The following GAB1 variants were observed in gnomAD, a reference collection of about 807,000 sequenced individuals.
GAB1 encodes GRB2-associated-binding protein 1.
A neutral mutation model predicts 66.5 loss-of-function variants in GAB1; 19 were observed. The ratio of observed to expected loss-of-function variants is 0.29; its 90% CI spans 0.20 to 0.42. The LOEUF is 0.42. Among genes scored for constraint, GAB1 ranks in the 10% least tolerant of loss-of-function variants. The pLI is 1.00. For synonymous variants in GAB1, 294 were observed against 301.4 expected (o/e 0.98, Z 0.25); for missense variants, 732 against 858.5 (o/e 0.85, Z 1.84).
chr4:143,403,634 G>T (rs1178992920), intron 1 of GAB1, among the ~76,000 whole-genome samples: 2 of 152,218 alleles, frequency 1.3e-5, no homozygotes, highest in Non-Finnish European at 2.9e-5. Context: ...GGGGAAAGAG[G>T]AAGATGTCAT....
intron 1 of GAB1, among the ~76,000 whole-genome samples, chr4:143,402,028 T>C (rs913010207): frequency 1.3e-4 from 20 of 151,718 alleles, no homozygotes; most frequent in African/African-American, 4.1e-4. Flanking sequence ...ATTTATGATA[T>C]ACAAGTATAA....
intron 1 of GAB1, among the ~76,000 whole-genome samples, chr4:143,414,920 G>T (rs900148169): frequency 6.6e-6 from 1 of 152,008 alleles, no homozygotes; most frequent in Non-Finnish European, 1.5e-5. Context: ...TCCAGAACTT[G>T]ATCTTCTTCA....
At chr4:143,443,423 C>G (rs932932310) in intron 6 of GAB1, among the ~76,000 whole-genome samples, 1 of 152,156 alleles carries the variant, frequency 6.6e-6, no homozygotes, top group Non-Finnish European at 1.5e-5. Flanking sequence ...GTTATGACTT[C>G]ATAAACTCAC....
chr4:143,460,025 G>A (rs958558403), intron 7 of GAB1, among the ~76,000 whole-genome samples: 2 of 84,580 alleles, frequency 2.4e-5, no homozygotes, highest in South Asian at 3.5e-4. Context: ...TTCATGTTTC[G>A]TGTGTGTGTG....
At chr4:143,450,655 C>T (rs538216250) in intron 6 of GAB1, among the ~76,000 whole-genome samples, 46 of 152,112 alleles carry the variant, frequency 3.0e-4, no homozygotes, top group Non-Finnish European at 5.1e-4. Flanking sequence ...CTGGGGAGAC[C>T]GAGGTGGGCA....
intron 1 of GAB1, among the ~76,000 whole-genome samples, chr4:143,388,524 C>T (rs563050162): frequency 6.6e-6 from 1 of 152,260 alleles, no homozygotes; most frequent in South Asian, 2.1e-4. Flanking sequence ...AAGGAATTCT[C>T]CTGCCTCAGC....
In GAB1 at chr4:143,419,283, T is replaced by A. The variant is rs1732886540; in HGVS notation, c.367+3512T>A. Among the ~76,000 whole-genome samples, 8 of 152,274 alleles carry A rather than the reference T, an allele frequency of 5.3e-5. 1 individual carries two copies. The South Asian group carries it at 1.7e-3, about 32-fold the overall frequency. On this transcript the variant is annotated intron_variant, in intron 2 of 9. Coordinates refer to ENST00000262994, the MANE Select transcript of GAB1 (RefSeq NM_002039.4). ...TGGAAGTTTATGAATATAGTTCTTG[T>A]GCTCATAGAGCTTACAGTCAGTCTA...
chr4:143,354,829 ACT>A (rs1459322076), intron 1 of GAB1, among the ~76,000 whole-genome samples: 1 of 152,162 alleles, frequency 6.6e-6, no homozygotes, highest in Non-Finnish European at 1.5e-5. Context: ...ACTAAAAAAT[ACT>A]CTTTTATAGT....
chr4:143,434,009 C>T, intron 3 of GAB1: 1 of 796,294 alleles, frequency 1.3e-6, no homozygotes, highest in Non-Finnish European at 1.9e-6. Context: ...GTTACAGACT[C>T]ACAGTATTAC....
At position 143,438,565 on chromosome 4, in the gene GAB1, C is replaced by T; in HGVS notation, c.1160C>T (p.Thr387Ile). The T allele has an allele frequency of 6.2e-7, 1 of 1,613,944 alleles. No homozygotes were observed. Among genetic ancestry groups the T allele is most frequent in the Non-Finnish European group, 8.5e-7 (1 of 1,179,898 alleles). Residue 387 changes from threonine (T) to isoleucine (I), a missense_variant, in exon 4 of 10, where the codon ACC (threonine) becomes ATC (isoleucine). Coordinates refer to ENST00000262994, the MANE Select transcript of GAB1 (RefSeq NM_002039.4). ...GGGATGTCGCCTTCACGTAGTAATA[C>T]CATTTCCACTGTGGATTTAAACAAA... ...TAGMSPSRSNTISTVDLNKLR... is the reference protein window; with the variant it reads ...TAGMSPSRSNIISTVDLNKLR...
At chr4:143,392,792 C>T (rs1166068692) in intron 1 of GAB1, among the ~76,000 whole-genome samples, 2 of 152,100 alleles carry the variant, frequency 1.3e-5, no homozygotes, top group Non-Finnish European at 2.9e-5. Context: ...TACTATACAT[C>T]AGTTTCAGTA....
intron 3 of GAB1, among the ~76,000 whole-genome samples, chr4:143,435,072 ATTATT>A (rs1733876005): frequency 6.6e-6 from 1 of 152,166 alleles, no homozygotes; most frequent in Non-Finnish European, 1.5e-5. Flanking sequence ...ATAATTAAGC[ATTATT>A]TTATGACAGA....
At chr4:143,445,597 G>C (rs543253244) in intron 6 of GAB1, among the ~76,000 whole-genome samples, 2 of 152,044 alleles carry the variant, frequency 1.3e-5, no homozygotes, top group Non-Finnish European at 2.9e-5. Flanking sequence ...GTTTAATTAG[G>C]TCCCACTTCT....
chr4:143,444,846 A>T (rs1734426259), intron 6 of GAB1, among the ~76,000 whole-genome samples: 1 of 152,166 alleles, frequency 6.6e-6, no homozygotes, highest in South Asian at 2.1e-4. Flanking sequence ...GTAAGTGAGA[A>T]CATGTGATAT....
intron 1 of GAB1, among the ~76,000 whole-genome samples, chr4:143,378,968 T>C (rs940584475): frequency 1.3e-5 from 2 of 152,108 alleles, no homozygotes; most frequent in Non-Finnish European, 2.9e-5. Context: ...GTCAGTGGCC[T>C]AGCCTTAGGC....
chr4:143,388,850 C>T (rs750681256), intron 1 of GAB1, among the ~76,000 whole-genome samples: 8 of 152,170 alleles, frequency 5.3e-5, no homozygotes, highest in Non-Finnish European at 1.0e-4. Context: ...TATTTAAATA[C>T]ATTCATATTT....
At chr4:143,455,546 CAAG>C (rs1469287970) in intron 6 of GAB1, among the ~76,000 whole-genome samples, 2 of 152,192 alleles carry the variant, frequency 1.3e-5, no homozygotes, top group African/African-American at 4.8e-5. Flanking sequence ...ATCTTTCAGA[CAAG>C]GAGGAGTGCA....
chr4:143,414,542 C>T (rs1386700267), intron 1 of GAB1, among the ~76,000 whole-genome samples: 1 of 152,096 alleles, frequency 6.6e-6, no homozygotes, highest in African/African-American at 2.4e-5. Context: ...CTCAAGAATA[C>T]AGGTCTTACT....
chr4:143,341,265 C>T (rs1428447466), intron 1 of GAB1, among the ~76,000 whole-genome samples: 5 of 152,078 alleles, frequency 3.3e-5, no homozygotes, highest in Admixed American at 6.5e-5. Flanking sequence ...TTACAGAAAA[C>T]AAGTAAAGTC....
Sources: gnomAD v4.1 joint callset for allele counts (sites outside exome capture counted in the v4.1 genomes callset) on GRCh38, gnomAD v4.1.1 for gene constraint, MANE v1.5 for transcripts, NCBI Gene and HGNC (gene_info 2026-07-23, HGNC 2026-07-21) for gene names.